RNF150: variants seen among roughly 807,000 people sequenced by gnomAD.
RNF150 encodes the protein ring finger protein 150.
A neutral mutation model predicts 39.3 loss-of-function variants in RNF150; 24 were observed. The observed-to-expected ratio is 0.61, with a 90% CI of 0.44 to 0.86. RNF150 has a LOEUF of 0.86. RNF150 is among the 40% of genes least tolerant of loss of function. The pLI is 0.00. For synonymous variants in RNF150, 255 were observed against 227.3 expected, an observed-to-expected ratio of 1.12 and a Z score of -1.10; for missense variants, 502 against 587.8, an observed-to-expected ratio of 0.85 and a Z score of 1.51.
rs79003999 is a variant in RNF150, at chr4:141,081,027, G to A, written c.484+51298C>T. On this transcript the variant is annotated intron_variant, in intron 1 of 6. Transcript: ENST00000515673. ...GGTTGTCACCATTGCAGAGCAGCAC[G>A]ACTTCTAAAATGTTACTTTTGGATA... Among the ~76,000 whole-genome samples the A allele has an allele frequency of 8.5e-3, 1,296 of 152,282 alleles. 14 individuals carry two copies. The highest frequency in any genetic ancestry group is 0.013 in the Non-Finnish European group (899 of 68,024).
intron 1 of RNF150, among the ~76,000 whole-genome samples, chr4:141,142,924 C>T (rs1480203723): frequency 6.6e-6 from 1 of 151,046 alleles, no homozygotes; most frequent in African/African-American, 2.4e-5. Context: ...GGCTGGAGTG[C>T]AGTGGTGCAG....
chr4:140,898,047 C>T (rs189001620), intron 6 of RNF150, among the ~76,000 whole-genome samples: 10 of 152,266 alleles, frequency 6.6e-5, no homozygotes, highest in African/African-American at 2.4e-4. Context: ...AGTGCCTTTA[C>T]TATCTGATCA....
intron 1 of RNF150, among the ~76,000 whole-genome samples, chr4:140,991,670 A>G (rs1300509021): frequency 1.3e-5 from 2 of 152,188 alleles, no homozygotes; most frequent in East Asian, 3.8e-4. Context: ...ATTAAGGCAA[A>G]AGACAGTTAC....
Position 140,967,775 on chromosome 4 carries a change from T to A in RNF150, c.583A>T (p.Ile195Phe), listed in dbSNP as rs1340380275. The A allele has an allele frequency of 6.2e-7, 1 of 1,613,562 alleles. No homozygotes were observed. The highest frequency in any genetic ancestry group is 8.5e-7 in the Non-Finnish European group (1 of 1,179,638). ...TATTTCTGCAAGTTCCGGGTTCCGATGGTGATGTACATTGTCACGGTGATG... is the reference window on the plus strand; with the variant it reads ...TATTTCTGCAAGTTCCGGGTTCCGAAGGTGATGTACATTGTCACGGTGATG... Reference protein sequence around the residue: ...RNITVTMYITIGTRNLQKYVS... With the variant: ...RNITVTMYITFGTRNLQKYVS... Residue 195 changes from isoleucine (I) to phenylalanine (F), a missense_variant, in exon 2 of 7, where the codon ATC becomes TTC. By Grantham distance (21) the Ile-to-Phe change is conservative. Transcript: ENST00000515673.
Position 141,123,416 on chromosome 4 carries a change from C to G in RNF150, c.484+8909G>C, listed in dbSNP as rs949609753. 1.8e-4 allele frequency among the ~76,000 whole-genome samples: 28 copies of G among 152,218 alleles called. 1 individual carries two copies. The highest frequency in any genetic ancestry group is 1.7e-3 in the Admixed American group (26 of 15,286). On this transcript the variant is annotated intron_variant, in intron 1 of 6. Transcript: ENST00000515673. The stretch of plus-strand genomic sequence containing the variant: ...AGAGTTCTCTATTATGTAAAGCCAG[C>G]ATCTGGTTCCAGGTTTCCTTCCAAA...
intron 1 of RNF150, among the ~76,000 whole-genome samples, chr4:141,174,915 C>T (rs1487125398): frequency 6.6e-6 from 1 of 150,922 alleles, no homozygotes; most frequent in Non-Finnish European, 1.5e-5. Flanking sequence ...ACCTCTGTAC[C>T]AACTCCAAAT....
chr4:141,154,706 T>G (rs994946262), intron 1 of RNF150, among the ~76,000 whole-genome samples: 1 of 152,194 alleles, frequency 6.6e-6, no homozygotes, highest in Admixed American at 6.5e-5. Context: ...AATTAACAGC[T>G]GAATTTAACT....
intron 1 of RNF150, among the ~76,000 whole-genome samples, chr4:141,017,973 G>A (rs1037692085): frequency 6.6e-6 from 1 of 152,112 alleles, no homozygotes; most frequent in Non-Finnish European, 1.5e-5. Flanking sequence ...CTGTGTGAAG[G>A]TTTTAGACTC....
intron 1 of RNF150, among the ~76,000 whole-genome samples, chr4:141,188,488 CA>C (rs1294510693): frequency 2.0e-5 from 3 of 152,132 alleles, no homozygotes; most frequent in Non-Finnish European, 4.4e-5. Context: ...GTACACCAAC[CA>C]ATCGTAGGCT....
At chr4:140,972,103 T>C (rs957646291) in intron 1 of RNF150, among the ~76,000 whole-genome samples, 1 of 152,158 alleles carries the variant, frequency 6.6e-6, no homozygotes, top group Admixed American at 6.6e-5. Context: ...TTTTCAAAAC[T>C]ATAGTCCTCA....
intron 1 of RNF150, among the ~76,000 whole-genome samples, chr4:141,163,133 T>G (rs1727543378): frequency 6.6e-6 from 1 of 152,232 alleles, no homozygotes; most frequent in Non-Finnish European, 1.5e-5. Flanking sequence ...GTACCCACCA[T>G]TACTAAGGCT....
intron 1 of RNF150, among the ~76,000 whole-genome samples, chr4:141,052,025 A>G (rs980849825): frequency 3.9e-5 from 6 of 152,166 alleles, no homozygotes; most frequent in Non-Finnish European, 8.8e-5. Flanking sequence ...TCTTAAGTGG[A>G]TGGTAGCAGG....
intron 1 of RNF150, 42 bp from the exon 2 acceptor site, chr4:140,967,915 A>G: frequency 6.3e-7 from 1 of 1,585,688 alleles, no homozygotes. Flanking sequence ...AGGTTAGGGG[A>G]TAAGATATGG....
intron 4 of RNF150, among the ~76,000 whole-genome samples, chr4:140,940,504 G>A (rs939052222): frequency 6.6e-6 from 1 of 152,066 alleles, no homozygotes; most frequent in Admixed American, 6.6e-5. Context: ...CAAACTTTTG[G>A]AAGACATGGA....
At chr4:140,922,565 A>G (rs559913604) in intron 5 of RNF150, among the ~76,000 whole-genome samples, 21 of 151,894 alleles carry the variant, frequency 1.4e-4, no homozygotes, top group African/African-American at 4.6e-4. Context: ...TATAGATTCA[A>G]TGCCATCCCT....
At chr4:140,922,293 G>A (rs962772315) in intron 5 of RNF150, among the ~76,000 whole-genome samples, 2 of 151,000 alleles carry the variant, frequency 1.3e-5, no homozygotes, top group African/African-American at 4.9e-5. Context: ...AAATCAATGT[G>A]CAAAAATCAC....
intron 1 of RNF150, among the ~76,000 whole-genome samples, chr4:141,029,384 A>G (rs1442397526): frequency 1.3e-5 from 2 of 152,224 alleles, no homozygotes; most frequent in Non-Finnish European, 2.9e-5. Flanking sequence ...GATTTGGCAT[A>G]TGAGACATAA....
intron 1 of RNF150, among the ~76,000 whole-genome samples, chr4:141,058,058 T>C (rs1215366251): frequency 1.3e-5 from 2 of 151,918 alleles, no homozygotes; most frequent in African/African-American, 2.4e-5. Context: ...AAAATATATA[T>C]TACCAATAAA....
chr4:140,958,821 G>A (rs185210280), intron 2 of RNF150, among the ~76,000 whole-genome samples: 1 of 152,138 alleles, frequency 6.6e-6, no homozygotes, highest in African/African-American at 2.4e-5. Flanking sequence ...GGTGAGGAGA[G>A]AGAGGTCTGT....
Sources: allele counts gnomAD v4.1 joint callset (sites outside exome capture counted in the v4.1 genomes callset), GRCh38; gene constraint gnomAD v4.1.1; transcripts MANE v1.5; gene names NCBI Gene and HGNC (gene_info 2026-07-23, HGNC 2026-07-21).